The following VPS16 variants were observed in gnomAD, a reference collection of about 807,000 sequenced individuals.
VPS16 encodes the protein VPS16 core subunit of CORVET and HOPS complexes.
A neutral mutation model predicts 116.0 loss-of-function variants in VPS16; 82 were observed. The observed-to-expected ratio is 0.71, with a 90% CI of 0.59 to 0.85. The LOEUF (loss-of-function observed/expected upper bound fraction) is 0.85. VPS16 is among the 40% of genes least tolerant of loss of function. The probability of loss-of-function intolerance (pLI) is 0.00; values close to 1 mark genes in which losing one functional copy is unlikely to be tolerated. For synonymous variants in VPS16, 406 were observed against 420.7 expected (o/e 0.96, Z 0.43); for missense variants, 928 against 1,090.6 (o/e 0.85, Z 2.10).
chr20:2,863,252 C>A lies in VPS16; in HGVS notation c.1368-38C>A, dbSNP rs377674405. The A allele has an allele frequency of 1.9e-6, 3 of 1,613,144 alleles. No individual in the cohort carries two copies. Among genetic ancestry groups the A allele is most frequent in the African/African-American group, 2.7e-5 (2 of 74,878 alleles). ...GCCACTCTGCTCCCTTTCTCCTCCA[C>A]CTCACTCCTTGTATCCTTTACCCAC... On this transcript the variant is annotated intron_variant, in intron 14 of 23. Transcript: ENST00000380445. This position sits in a 1 kb window ranked among gnomAD's most constrained non-coding sequence, Gnocchi z 4.4.
At chr20:2,862,160 A>G in intron 11 of VPS16, 30 bp downstream of exon 11, 1 of 1,605,390 alleles carries the variant, frequency 6.2e-7, no homozygotes, top group Non-Finnish European at 8.5e-7. Context: ...TCCCAGTCCC[A>G]GAATGGTTCC....
Position 2,862,884 on chromosome 20 carries a change from G to A in VPS16, c.1281G>A (p.Val427=). ...TGCACATGTGTCAGGACCTGCGTGT[G>A]CTCAATGCTGTTCGGGACTATCACA... ...SFVHMCQDLR[V]LNAVRDYHIG... is the part of the protein sequence containing the mutation. Residue 427 remains valine (V), a synonymous_variant, in exon 13 of 24, where the codon GTG becomes GTA. Transcript: ENST00000380445. 1.9e-6 allele frequency: 3 copies of A among 1,614,110 alleles called. No individual in the cohort carries two copies. Among genetic ancestry groups the A allele is most frequent in the South Asian group, 1.1e-5 (1 of 91,088 alleles).
intron 1 of VPS16, among the ~76,000 whole-genome samples, chr20:2,848,355 C>T (rs888596790): frequency 1.3e-5 from 2 of 152,148 alleles, no homozygotes; most frequent in Non-Finnish European, 2.9e-5. Flanking sequence ...GTGATCCACC[C>T]ACCTCAGCCT....
intron 1 of VPS16, among the ~76,000 whole-genome samples, chr20:2,850,965 C>CAAAAAA (rs57731229): frequency 3.3e-5 from 3 of 91,400 alleles, no homozygotes; most frequent in Non-Finnish European, 4.9e-5. Flanking sequence ...GTAAGACTGT[C>CAAAAAA]AAAAAAAAAA....
At position 2,863,409 on chromosome 20, in the gene VPS16, G is replaced by C. The variant is rs1440779574; in HGVS notation, c.1476+11G>C. On this transcript the variant is annotated intron_variant, in intron 15 of 23. Transcript: ENST00000380445. The surrounding 1 kb of genome is among the most constrained non-coding windows in gnomAD (Gnocchi z 4.4). ...TGGGCCTGCTACAAGGCAAGGATGT[G>C]GGATGGGGTCCAAGGGCATTTAGAG... 6.2e-7 allele frequency: 1 copy of C among 1,613,534 alleles called. No individual in the cohort carries two copies. The highest frequency in any genetic ancestry group is 8.5e-7 in the Non-Finnish European group (1 of 1,179,556).
intron 1 of VPS16, among the ~76,000 whole-genome samples, chr20:2,859,095 T>C (rs1196701233): frequency 1.3e-5 from 2 of 152,024 alleles, no homozygotes; most frequent in Non-Finnish European, 1.5e-5. Context: ...CCCAGGAGTT[T>C]GAGACCAGCC....
chr20:2,861,995 T>G, intron 10 of VPS16, 59 bp from the exon 11 acceptor site: 1 of 1,607,856 alleles, frequency 6.2e-7, no homozygotes, highest in East Asian at 2.2e-5. Context: ...AATAGGGTGT[T>G]GAGGCAGGGC....
rs1278716854 is a variant in VPS16 at position 2,840,906 on chromosome 20, C to T, written c.53+79C>T. The T allele has an allele frequency of 5.7e-6, 8 of 1,402,118 alleles. No individual in the cohort carries two copies. In the Admixed American group the frequency reaches 1.7e-4, roughly 30 times the overall value. The allele number at this position is 1,402,118 out of a possible 1,614,324, so 86.9% of individuals were successfully genotyped here. On this transcript the variant is annotated intron_variant, in intron 1 of 23. Coordinates refer to ENST00000380445, the MANE Select transcript of VPS16 (RefSeq NM_022575.4). ...GCTGGAGTCTCCCGGCGGCGTTCGCCCCTGTCACTACTGGCGCTGGGGTCC... is the reference window on the plus strand; with the variant it reads ...GCTGGAGTCTCCCGGCGGCGTTCGCTCCTGTCACTACTGGCGCTGGGGTCC...
intron 1 of VPS16, among the ~76,000 whole-genome samples, chr20:2,850,972 A>ATC (rs1568623789): frequency 0.02 from 3,016 of 150,042 alleles, 99 homozygotes; most frequent in African/African-American, 0.058. Context: ...TGTCAAAAAA[A>ATC]AAAAAAAAAA....
Position 2,842,628 on chromosome 20 carries a change from A to G in VPS16, c.53+1801A>G, listed in dbSNP as rs866179734. ...TCTATATATAGATATATCTATCTAT[A>G]TCTATCTATAGATAGATAGATATAG... On this transcript the variant is annotated intron_variant, in intron 1 of 23. Coordinates refer to ENST00000380445, the MANE Select transcript of VPS16 (RefSeq NM_022575.4). Among the ~76,000 whole-genome samples, 3 of 148,870 alleles carry G rather than the reference A, an allele frequency of 2.0e-5. No individual in the cohort carries two copies. In the South Asian group the frequency reaches 6.3e-4, roughly 31 times the overall value.
At chr20:2,842,530 C>A (rs937251192) in intron 1 of VPS16, among the ~76,000 whole-genome samples, 1 of 151,528 alleles carries the variant, frequency 6.6e-6, no homozygotes, top group Admixed American at 6.6e-5. Flanking sequence ...TCGCTTGAAC[C>A]TGGGAGGCGG....
rs1246511694 is a variant in VPS16, at chr20:2,841,087, T to A, written c.53+260T>A. On this transcript the variant is annotated intron_variant, in intron 1 of 23. Coordinates refer to ENST00000380445, the MANE Select transcript of VPS16 (RefSeq NM_022575.4). ...GTTAGCCTCCGGAAAGATGCTCAGA[T>A]CTCGCTGAGGGAGGCAGCTCGCGGG... 3 of 532,844 alleles carry A rather than the reference T, an allele frequency of 5.6e-6. No homozygotes were observed. In the African/African-American group the frequency reaches 6.0e-5, roughly 11 times the overall value. 33.0% of individuals were successfully genotyped at this position (532,844 alleles called of 1,614,324 possible). A position where few individuals can be genotyped will look rare whatever the true frequency, so the allele number is the denominator to read the frequency against.
chr20:2,846,577 C>T (rs1263592044), intron 1 of VPS16, among the ~76,000 whole-genome samples: 1 of 152,168 alleles, frequency 6.6e-6, no homozygotes, highest in Non-Finnish European at 1.5e-5. Context: ...GTTTTTGAGA[C>T]AGGCTGGAAA....
At chr20:2,849,149 G>GT (rs1331128324) in intron 1 of VPS16, among the ~76,000 whole-genome samples, 2 of 152,092 alleles carry the variant, frequency 1.3e-5, no homozygotes, top group African/African-American at 4.8e-5. Context: ...CCTCTTCCAA[G>GT]TTTCAGGATC....
chr20:2,866,226 C>T lies in VPS16; in HGVS notation c.2286C>T (p.Ile762=). The part of the protein sequence containing the change: ...SPIGYLPFVE[I]CMKQHNKYEA... ...TCTCCTCCAAGCCTTTTGTGGAGAT[C>T]TGCATGAAACAACATAACAAATACG... is the stretch of plus-strand genomic sequence containing the variant. The change falls in exon 23 of 24, where the codon ATC becomes ATT. Residue 762 remains isoleucine (I), a synonymous_variant. Transcript: ENST00000380445. The T allele has an allele frequency of 6.2e-7, 1 of 1,614,168 alleles. No individual in the cohort carries two copies. Among genetic ancestry groups the T allele is most frequent in the Non-Finnish European group, 8.5e-7 (1 of 1,180,040 alleles).
intron 8 of VPS16, 63 bp downstream of exon 8, chr20:2,861,343 C>A: frequency 1.2e-6 from 2 of 1,608,410 alleles, no homozygotes; most frequent in South Asian, 2.2e-5. Flanking sequence ...CTGGGACAAT[C>A]AGTTCCTTGA....
chr20:2,855,082 T>C (rs2089160075), intron 1 of VPS16, among the ~76,000 whole-genome samples: 1 of 149,036 alleles, frequency 6.7e-6, no homozygotes, highest in African/African-American at 2.5e-5. Context: ...TGCCTCAATC[T>C]CCCGAGTAGC....
chr20:2,856,053 G>A (rs778793734), intron 1 of VPS16, among the ~76,000 whole-genome samples: 1 of 152,148 alleles, frequency 6.6e-6, no homozygotes, highest in Non-Finnish European at 1.5e-5. Context: ...GGCTTTCAAC[G>A]TGCCTTCCTC....
chr20:2,850,675 G>C lies in VPS16; in HGVS notation c.54-9044G>C, dbSNP rs530820996. 2.4e-4 allele frequency among the ~76,000 whole-genome samples: 36 copies of C among 151,898 alleles called. No homozygotes were observed. The South Asian group carries it at 7.3e-3, about 31-fold the overall frequency. ...AAAATTATTTAACTGTGATAAAGGA[G>C]TATATGATATGGTTGGACATGGTAG... is the stretch of plus-strand genomic sequence containing the variant. On this transcript the variant is annotated intron_variant, in intron 1 of 23. Coordinates refer to ENST00000380445, the MANE Select transcript of VPS16 (RefSeq NM_022575.4).
Sources: allele counts gnomAD v4.1 joint callset (sites outside exome capture counted in the v4.1 genomes callset), GRCh38; gene constraint gnomAD v4.1.1; non-coding constraint Gnocchi (gnomAD v3.1); transcripts MANE v1.5; gene names NCBI Gene and HGNC (gene_info 2026-07-23, HGNC 2026-07-21).